The following HJURP variants were observed in gnomAD, a reference collection of about 807,000 sequenced individuals.
The protein encoded by HJURP is Holliday junction recognition protein, also known as 14-3-3-associated AKT substrate.
Under a neutral mutation model 72.0 loss-of-function variants are expected in HJURP, and 49 were observed. The observed-to-expected ratio is 0.68, with a 90% confidence interval of 0.54 to 0.86. The LOEUF is 0.86. Ranked by LOEUF, HJURP falls within the 40% of genes least tolerant of loss-of-function variation. The pLI, the probability that HJURP is intolerant of heterozygous loss-of-function variation, is 0.00. For missense variants in HJURP, 908 were observed against 936.3 expected (o/e 0.97, Z 0.39); for synonymous variants, 357 against 347.1 (o/e 1.03, Z -0.32).
intron 8 of HJURP, 149 bp downstream of exon 8, chr2:233,840,460 A>T (rs534870916): frequency 2.5e-6 from 2 of 797,624 alleles, no homozygotes; most frequent in African/African-American, 1.7e-5. Flanking sequence ...AAGGAAAAGC[A>T]TTTGGGAGAA....
chr2:233,837,458 ATATTTACT>A lies in HJURP; in HGVS notation c.*111_*118del. 2 of 711,102 alleles carry A rather than the reference ATATTTACT, an allele frequency of 2.8e-6. No individual in the cohort carries two copies. Among genetic ancestry groups the A allele is most frequent in the Non-Finnish European group, 5.0e-6 (2 of 401,972 alleles). The allele number at this position is 711,102 out of a possible 1,614,324, so 44.0% of individuals were successfully genotyped here. A position where few individuals can be genotyped will look rare whatever the true frequency, so the allele number is the denominator to read the frequency against. On this transcript the variant is annotated 3_prime_UTR_variant, in exon 9 of 9. Coordinates refer to ENST00000411486, the MANE Select transcript of HJURP (RefSeq NM_018410.5). ...ATCTCTGATGGAACCAATTTCACTA[ATATTTACT>A]TTAAGGGCAGAGAAGTCAACCAAGT...
At chr2:233,839,259 C>T (rs555565548) in intron 8 of HJURP, among the ~76,000 whole-genome samples, 24 of 152,358 alleles carry the variant, frequency 1.6e-4, no homozygotes, top group Non-Finnish European at 4.4e-5. Flanking sequence ...CCAGACAGCT[C>T]CCCACTGCAG....
intron 7 of HJURP, 32 bp downstream of exon 7, chr2:233,844,173 C>T (rs1362136900): frequency 6.3e-7 from 1 of 1,587,684 alleles, no homozygotes; most frequent in South Asian, 1.1e-5. Flanking sequence ...AGGAAACACG[C>T]ACTGTTCATA....
intron 2 of HJURP, among the ~76,000 whole-genome samples, chr2:233,852,851 T>C (rs1705529270): frequency 6.6e-6 from 1 of 152,194 alleles, no homozygotes; most frequent in Non-Finnish European, 1.5e-5. Flanking sequence ...CTCATCAAAT[T>C]ACATCATTAG....
Position 233,844,256 on chromosome 2 carries a change from C to G in HJURP, c.523G>C (p.Val175Leu). 1 of 1,614,210 alleles carries G rather than the reference C, an allele frequency of 6.2e-7. No homozygotes were observed. Among genetic ancestry groups the G allele is most frequent in the Non-Finnish European group, 8.5e-7 (1 of 1,180,022 alleles). Residue 175 changes from valine (V) to leucine (L), a missense_variant, in exon 7 of 9, where the codon GTA (valine) becomes CTA (leucine). Physicochemically the swap from Val to Leu is conservative, Grantham distance 32. Around this residue, in one of 3 missense-constraint regions of HJURP, gnomAD observed 299 missense variants for 286.7 expected, o/e 1.04. Coordinates refer to ENST00000411486, the MANE Select transcript of HJURP (RefSeq NM_018410.5). Reference protein sequence around the residue: ...ECAGNRAGRDVRVTPLPSLAS... With the variant: ...ECAGNRAGRDLRVTPLPSLAS... ...AGTGAAGGCAGCGGAGTCACACGTA[C>G]ATCCCTTCCAGCTCTGTTACCTGCA...
chr2:233,842,163 G>T lies in HJURP; in HGVS notation c.617C>A (p.Ala206Glu). ...RISRKSPGDP[A>E]KPASSPREWD... ...TTCTCTGGGAGATGAAGCTGGTTTC[G>T]CTGGGTCACCAGGACTCTTTCTGGA... The change falls in exon 8 of 9, where the codon GCG (alanine) becomes GAG (glutamate). Residue 206 changes from alanine (A) to glutamate (E), a missense_variant. Transcript: ENST00000411486. 6.2e-7 allele frequency: 1 copy of T among 1,613,760 alleles called. No homozygotes were observed. Among genetic ancestry groups the T allele is most frequent in the Non-Finnish European group, 8.5e-7 (1 of 1,179,732 alleles).
rs746413602 is a variant in HJURP, at chr2:233,840,607, A to G, written c.2171+2T>C. 1 of 1,575,318 alleles carries G rather than the reference A, an allele frequency of 6.3e-7. No homozygotes were observed. The highest frequency in any genetic ancestry group is 8.6e-7 in the Non-Finnish European group (1 of 1,165,704). On this transcript the variant is annotated splice_donor_variant, in intron 8 of 8. Transcript: ENST00000411486. LOFTEE classifies it high-confidence loss of function. ...ACATTCAACCAACAGAAACACACCT[A>G]CCTCTCTTCTGAGTTGGGCTGTGAA...
chr2:233,840,716 G>C lies in HJURP; in HGVS notation c.2064C>G (p.Pro688=). 1 of 1,614,046 alleles carries C rather than the reference G, an allele frequency of 6.2e-7. No individual in the cohort carries two copies. Among genetic ancestry groups the C allele is most frequent in the Non-Finnish European group, 8.5e-7 (1 of 1,180,006 alleles). The change falls in exon 8 of 9, where the codon CCC becomes CCG. Residue 688 remains proline, a synonymous_variant. Transcript: ENST00000411486. ...FPAKRPRLSE[P]QGSGRQGNSL... The stretch of plus-strand genomic sequence containing the variant: ...AATTGCCCTGGCGTCCGGAGCCCTG[G>C]GGTTCTGATAGCCTGGGTCTTTTTG...
rs921872422 is a variant in HJURP at position 233,836,830 on chromosome 2, TCA to T, written c.*745_*746del. On this transcript the variant is annotated 3_prime_UTR_variant, in exon 9 of 9. Transcript: ENST00000411486. Reference sequence around the variant, plus strand: ...CAGCTTCAGTAAGAATCATGAGGAGTCACAGGCGCTGTGGCTGCAGGAGCGTC... The same window carrying T: ...CAGCTTCAGTAAGAATCATGAGGAGTCAGGCGCTGTGGCTGCAGGAGCGTC... 1 of 152,104 alleles carries T rather than the reference TCA, an allele frequency of 6.6e-6. No homozygotes were observed. Among genetic ancestry groups the T allele is most frequent in the Non-Finnish European group, 1.5e-5 (1 of 68,022 alleles). The allele number at this position is 152,104 out of a possible 1,614,324, so 9.4% of individuals were successfully genotyped here.
Position 233,845,885 on chromosome 2 carries a change from G to A in HJURP, c.403-65C>T, listed in dbSNP as rs1419540220. The A allele has an allele frequency of 1.0e-5, 10 of 977,530 alleles. No homozygotes were observed. The East Asian group carries it at 2.1e-4, about 21-fold the overall frequency. The allele number at this position is 977,530 out of a possible 1,614,324, so 60.6% of individuals were successfully genotyped here. A position where few individuals can be genotyped will look rare whatever the true frequency, so the allele number is the denominator to read the frequency against. ...GAGTATAGCTGACCTTTTGGCTTCT[G>A]GAACAAACTGGCAAGCTCATTAATG... On this transcript the variant is annotated intron_variant, in intron 5 of 8. Transcript: ENST00000411486.
intron 4 of HJURP, among the ~76,000 whole-genome samples, chr2:233,849,224 C>G (rs961702629): frequency 2.0e-5 from 3 of 152,102 alleles, no homozygotes; most frequent in Admixed American, 1.3e-4. Context: ...GGGCCCAGGA[C>G]AGGGGAGAGC....
intron 3 of HJURP, among the ~76,000 whole-genome samples, chr2:233,850,574 G>A (rs531651399): frequency 1.3e-5 from 2 of 152,206 alleles, no homozygotes; most frequent in Admixed American, 6.5e-5. Flanking sequence ...AAAACAGGGC[G>A]TGAGAAGGTG....
intron 3 of HJURP, among the ~76,000 whole-genome samples, chr2:233,850,333 GCA>G (rs969926390): frequency 6.6e-5 from 10 of 152,176 alleles, no homozygotes; most frequent in Non-Finnish European, 1.5e-4. Context: ...CCAAGCTAAC[GCA>G]CAGAGGCAGC....
At chr2:233,853,776 G>A (rs1407425959) in intron 2 of HJURP, 68 bp downstream of exon 2, 1 of 1,275,414 alleles carries the variant, frequency 7.8e-7, no homozygotes, top group Non-Finnish European at 1.1e-6. Context: ...AAGAGAGCAG[G>A]GACAGCATTT....
chr2:233,839,679 G>A (rs1342498033), intron 8 of HJURP, among the ~76,000 whole-genome samples: 1 of 152,212 alleles, frequency 6.6e-6, no homozygotes, highest in Non-Finnish European at 1.5e-5. Flanking sequence ...AGGGCTCGCA[G>A]GCCAGGCGGG....
chr2:233,853,716 G>T (rs1176462912), intron 2 of HJURP, 128 bp downstream of exon 2: 4 of 690,254 alleles, frequency 5.8e-6, no homozygotes, highest in Non-Finnish European at 9.9e-6. Flanking sequence ...CAGGTTTAAG[G>T]GCACCAATGT....
Position 233,837,657 on chromosome 2 carries a change from G to GA in HJURP, c.2172-6dup, listed in dbSNP as rs747366379. 7,631 of 1,380,410 alleles carry GA rather than the reference G, an allele frequency of 5.5e-3. No individual in the cohort carries two copies. The highest frequency in any genetic ancestry group is 6.2e-3 in the Non-Finnish European group (6,309 of 1,023,330). The allele number at this position is 1,380,410 out of a possible 1,614,324, so 85.5% of individuals were successfully genotyped here. On this transcript the variant is annotated splice_region_variant and splice_polypyrimidine_tract_variant and intron_variant, in intron 8 of 8. Coordinates refer to ENST00000411486, the MANE Select transcript of HJURP (RefSeq NM_018410.5). ...CTGTAAGACGTGTTCTCTCCTCTAG[G>GA]AAAAAAAAAAGACAAAGAAAATGAT...
Position 233,841,294 on chromosome 2 carries a change from T to TTTTTGC in HJURP, c.1480_1485dup (p.Ala494_Lys495dup). ...AGGTTTTCAAAAGCCTCACTTAAAC[T>TTTTTGC]TTTTGCTTTTGCTTTGCTGGAAGGT... is the stretch of plus-strand genomic sequence containing the variant. On this transcript the variant is annotated inframe_insertion, in exon 8 of 9. Coordinates refer to ENST00000411486, the MANE Select transcript of HJURP (RefSeq NM_018410.5). The TTTTTGC allele has an allele frequency of 1.2e-6, 2 of 1,614,086 alleles. No homozygotes were observed. Among genetic ancestry groups the TTTTTGC allele is most frequent in the Non-Finnish European group, 1.7e-6 (2 of 1,179,972 alleles).
intron 4 of HJURP, among the ~76,000 whole-genome samples, chr2:233,847,785 T>C (rs989752703): frequency 1.3e-5 from 2 of 152,222 alleles, no homozygotes; most frequent in Non-Finnish European, 2.9e-5. Context: ...TGGAAAGTTC[T>C]CTGCCTGCTG....
Sources: gnomAD v4.1 joint callset for allele counts (sites outside exome capture counted in the v4.1 genomes callset) on GRCh38, gnomAD v4.1.1 for gene constraint, gnomAD v4.1.1 regional missense constraint, MANE v1.5 for transcripts, NCBI Gene and HGNC (gene_info 2026-07-23, HGNC 2026-07-21) for gene names.